ZFHX3: variants seen among roughly 807,000 people sequenced by gnomAD.
ZFHX3 encodes zinc finger homeobox protein 3.
In ZFHX3, 42 loss-of-function variants were observed where a neutral mutation model predicts 279.1. The ratio of observed to expected loss-of-function variants is 0.15; its 90% CI spans 0.12 to 0.19. The LOEUF (loss-of-function observed/expected upper bound fraction) is 0.19, where lower values mean the gene tolerates loss of function less well. Ranked by LOEUF, ZFHX3 falls within the 10% of genes least tolerant of loss-of-function variation. The pLI is 1.00. For missense variants in ZFHX3, 4,981 were observed against 4,754.0 expected (o/e 1.05, Z -1.40); for synonymous variants, 2,293 against 1,957.8 (o/e 1.17, Z -4.52).
chr16:73,031,067 C>A (rs572591014), intron 1 of ZFHX3, among the ~76,000 whole-genome samples: 1 of 152,314 alleles, frequency 6.6e-6, no homozygotes, highest in South Asian at 2.1e-4. Context: ...AAAAAGATTT[C>A]TTTTTAGGTA....
intron 2 of ZFHX3, among the ~76,000 whole-genome samples, chr16:73,662,452 T>C (rs537333103): frequency 7.9e-5 from 12 of 151,032 alleles, no homozygotes; most frequent in African/African-American, 2.7e-4. Flanking sequence ...AACATACATA[T>C]GGGATGTCAG....
chr16:73,239,858 G>A (rs1008227011), intron 5 of ZFHX3, among the ~76,000 whole-genome samples: 7 of 152,180 alleles, frequency 4.6e-5, no homozygotes, highest in Admixed American at 4.6e-4. Flanking sequence ...GTTATGCTCT[G>A]TAAAGTTGCC....
rs546279411 is a variant in ZFHX3, at chr16:73,403,051, C to T, written c.-1291+52952G>A. Among the ~76,000 whole-genome samples the T allele has an allele frequency of 2.6e-5, 4 of 152,206 alleles. No individual in the cohort carries two copies. In the East Asian group the frequency reaches 7.7e-4, roughly 29 times the overall value. Reference sequence around the variant, plus strand: ...GTAAATAGGCACACACACGTGTGTGCATGTGTACACGTGTGCATGTGTGTG... The same window carrying T: ...GTAAATAGGCACACACACGTGTGTGTATGTGTACACGTGTGCATGTGTGTG... On this transcript the variant is annotated intron_variant, in intron 3 of 17. Coordinates refer to the ZFHX3 transcript ENST00000641206.
At chr16:73,434,265 C>G (rs1311136231) in intron 3 of ZFHX3, among the ~76,000 whole-genome samples, 1 of 152,206 alleles carries the variant, frequency 6.6e-6, no homozygotes, top group African/African-American at 2.4e-5. Flanking sequence ...TCGTGCCCCA[C>G]TCCTGGGGCC....
chr16:72,787,048 T>TC lies in ZFHX3; in HGVS notation c.*115_*116insG. 9.9e-7 allele frequency: 1 copy of TC among 1,008,152 alleles called. No homozygotes were observed. The allele number at this position is 1,008,152 out of a possible 1,614,324, so 62.5% of individuals were successfully genotyped here. A position where few individuals can be genotyped will look rare whatever the true frequency, so the allele number is the denominator to read the frequency against. On this transcript the variant is annotated 3_prime_UTR_variant, in exon 10 of 10. Transcript: ENST00000268489. ...GCTTTTTCTTTTTTTTCTTTTTTTT[T>TC]TTTTTTTTGTTTTTTGGTTAGAAGC... is the stretch of plus-strand genomic sequence containing the variant.
intron 1 of ZFHX3, among the ~76,000 whole-genome samples, chr16:73,009,434 C>G (rs1214333755): frequency 6.6e-6 from 1 of 151,206 alleles, no homozygotes; most frequent in Non-Finnish European, 1.5e-5. Context: ...CTCTTGGGAG[C>G]ATTATTAGTG....
intron 8 of ZFHX3, among the ~76,000 whole-genome samples, chr16:73,078,744 A>C (rs1965912512): frequency 6.6e-6 from 1 of 151,590 alleles, no homozygotes. Flanking sequence ...TCCTGGGTTC[A>C]CGCCATTCTC....
At chr16:73,599,801 G>A (rs888739960) in intron 2 of ZFHX3, among the ~76,000 whole-genome samples, 9 of 150,756 alleles carry the variant, frequency 6.0e-5, no homozygotes, top group Non-Finnish European at 1.0e-4. Context: ...CCGGTATAAT[G>A]AGACTCACTT....
At chr16:73,582,271 C>G (rs1189447044) in intron 2 of ZFHX3, among the ~76,000 whole-genome samples, 3 of 151,666 alleles carry the variant, frequency 2.0e-5, no homozygotes, top group Admixed American at 6.6e-5. Flanking sequence ...AAGTGGGAAC[C>G]CTTATGAATA....
chr16:72,999,096 C>T (rs1332474059), intron 1 of ZFHX3, among the ~76,000 whole-genome samples: 3 of 152,178 alleles, frequency 2.0e-5, no homozygotes, highest in Admixed American at 6.5e-5. Flanking sequence ...GTCACATGTA[C>T]GCTACAGACA....
At chr16:73,035,656 C>T (rs1357178625) in intron 1 of ZFHX3, among the ~76,000 whole-genome samples, 1 of 152,214 alleles carries the variant, frequency 6.6e-6, no homozygotes, top group Admixed American at 6.5e-5. Flanking sequence ...GAGGCCGAGG[C>T]AGGTGGATCA....
chr16:73,470,236 C>G (rs1028972972), intron 2 of ZFHX3, among the ~76,000 whole-genome samples: 1 of 152,112 alleles, frequency 6.6e-6, no homozygotes, highest in South Asian at 2.1e-4. Context: ...CCTATATTCA[C>G]GGGGGCTTCA....
Position 72,798,002 on chromosome 16 carries a change from C to T in ZFHX3, c.4680G>A (p.Leu1560=). Reference sequence around the variant, plus strand: ...GGGAGACAGAATTGTAGTGTACTAGCAGGATATTCTTTTGAGTGAAAGATT... The same window carrying T: ...GGGAGACAGAATTGTAGTGTACTAGTAGGATATTCTTTTGAGTGAAAGATT... ...CKESFTQKNI[L]LVHYNSVSHL... The change falls in exon 9 of 10, where the codon CTG becomes CTA. Residue 1560 remains leucine (L), a synonymous_variant. Transcript: ENST00000268489. The T allele has an allele frequency of 1.2e-6, 2 of 1,614,202 alleles. No individual in the cohort carries two copies. The highest frequency in any genetic ancestry group is 1.1e-5 in the South Asian group (1 of 91,080).
At chr16:72,849,971 G>T (rs2037574702) in intron 4 of ZFHX3, among the ~76,000 whole-genome samples, 1 of 148,510 alleles carries the variant, frequency 6.7e-6, no homozygotes, top group Admixed American at 6.8e-5. Flanking sequence ...AAAGTGCTAA[G>T]CTACGTCAGG....
rs537362677 is a variant in ZFHX3, at chr16:73,206,846, C to T, written c.-1104+50201G>A. The stretch of plus-strand genomic sequence containing the variant: ...CAGCCTGGCCAACATGGTGAAACCC[C>T]ATTTCTAATAAAAATATTAAAATTA... On this transcript the variant is annotated intron_variant, in intron 5 of 17. Coordinates refer to the ZFHX3 transcript ENST00000641206. Among the ~76,000 whole-genome samples, 26 of 151,908 alleles carry T rather than the reference C, an allele frequency of 1.7e-4. 1 individual carries two copies. Among genetic ancestry groups the T allele is most frequent in the Non-Finnish European group, 3.5e-4 (24 of 67,952 alleles).
intron 1 of ZFHX3, among the ~76,000 whole-genome samples, chr16:73,731,253 C>A (rs369121268): frequency 6.6e-6 from 1 of 152,076 alleles, no homozygotes; most frequent in African/African-American, 2.4e-5. Flanking sequence ...CAACATGCCT[C>A]TATTCAGGTT....
At chr16:73,681,937 G>T (rs1283536947) in intron 1 of ZFHX3, among the ~76,000 whole-genome samples, 3 of 152,164 alleles carry the variant, frequency 2.0e-5, no homozygotes, top group Admixed American at 6.5e-5. Context: ...CCCAAAGAGG[G>T]TATCTAATAA....
chr16:72,971,243 AT>A (rs1962092383), intron 1 of ZFHX3, among the ~76,000 whole-genome samples: 1 of 152,200 alleles, frequency 6.6e-6, no homozygotes, highest in Non-Finnish European at 1.5e-5. Context: ...ATTATTAGAC[AT>A]TTAAACAATT....
intron 4 of ZFHX3, among the ~76,000 whole-genome samples, chr16:73,269,437 C>T (rs1267494705): frequency 6.6e-6 from 1 of 152,152 alleles, no homozygotes; most frequent in Non-Finnish European, 1.5e-5. Context: ...TTTTTGTTAG[C>T]GACTTCTTTC....
Sources: gnomAD v4.1 joint callset for allele counts (sites outside exome capture counted in the v4.1 genomes callset) on GRCh38, gnomAD v4.1.1 for gene constraint, MANE v1.5 for transcripts, NCBI Gene and HGNC (gene_info 2026-07-23, HGNC 2026-07-21) for gene names.